PRKRIP1: variants seen among roughly 807,000 people sequenced by gnomAD.
The protein encoded by PRKRIP1 is PRKR interacting protein 1, also known as PRKR-interacting protein 1.
A neutral mutation model predicts 29.3 loss-of-function variants in PRKRIP1; 29 were observed. The observed-to-expected ratio is 0.99, with a 90% CI of 0.74 to 1.35. The LOEUF (loss-of-function observed/expected upper bound fraction) is 1.35, where lower values mean the gene tolerates loss of function less well. Ranked by LOEUF, PRKRIP1 falls within the 40% of genes most tolerant of loss-of-function variation. The probability of loss-of-function intolerance (pLI) is 0.00; values close to 1 mark genes in which losing one functional copy is unlikely to be tolerated. For missense variants in PRKRIP1, 247 were observed against 236.8 expected, an observed-to-expected ratio of 1.04 and a Z score of -0.28; for synonymous variants, 90 against 85.1, an observed-to-expected ratio of 1.06 and a Z score of -0.32.
chr7:102,415,072 A>G (rs1483663801), intron 5 of PRKRIP1, among the ~76,000 whole-genome samples: 3 of 151,712 alleles, frequency 2.0e-5, no homozygotes, highest in Non-Finnish European at 2.9e-5. Flanking sequence ...TCAACATTTT[A>G]CTCTTCCTCC....
chr7:102,419,409 G>A (rs868945184), intron 5 of PRKRIP1, among the ~76,000 whole-genome samples: 5 of 151,660 alleles, frequency 3.3e-5, no homozygotes, highest in African/African-American at 1.2e-4. Flanking sequence ...ATGAGACTCC[G>A]TCTAAAAAAA....
intron 5 of PRKRIP1, among the ~76,000 whole-genome samples, chr7:102,411,800 T>C (rs1466863906): frequency 3.0e-5 from 1 of 33,842 alleles, no homozygotes; most frequent in Non-Finnish European, 6.7e-5. Context: ...CCAACACTTA[T>C]TTTCTGTTTT....
chr7:102,402,174 A>G (rs1303527450), intron 3 of PRKRIP1, among the ~76,000 whole-genome samples: 2 of 152,118 alleles, frequency 1.3e-5, no homozygotes, highest in African/African-American at 4.8e-5. Flanking sequence ...TGGGTGCGGC[A>G]GCTCACATCA....
At chr7:102,411,382 T>TTTTG (rs1360425549) in intron 5 of PRKRIP1, among the ~76,000 whole-genome samples, 62 of 151,846 alleles carry the variant, frequency 4.1e-4, no homozygotes, top group Non-Finnish European at 6.0e-4. Flanking sequence ...CTTGTTTTTT[T>TTTTG]TTTGTTTGTT....
intron 4 of PRKRIP1, 97 bp downstream of exon 4, chr7:102,404,780 T>C: frequency 4.8e-6 from 4 of 840,086 alleles, no homozygotes; most frequent in Non-Finnish European, 5.8e-6. Flanking sequence ...CTGCATGACC[T>C]GTAGGGGTCA....
chr7:102,423,536 G>A (rs1377245148), intron 5 of PRKRIP1: 4 of 216,000 alleles, frequency 1.9e-5, no homozygotes, highest in Admixed American at 5.3e-5. Flanking sequence ...ACCTCTCTGG[G>A]TCTTTTATCT....
chr7:102,425,189 T>TC lies in PRKRIP1; in HGVS notation c.*83dup. 1 of 1,540,968 alleles carries TC rather than the reference T, an allele frequency of 6.5e-7. No individual in the cohort carries two copies. The highest frequency in any genetic ancestry group is 1.2e-5 in the South Asian group (1 of 84,590). Reference sequence around the variant, plus strand: ...GGAAAGGCGGCTGTTTGGCTCTTTCTCCCCCGCAAGGACCCGCTGACCCGC... The same window carrying TC: ...GGAAAGGCGGCTGTTTGGCTCTTTCTCCCCCCGCAAGGACCCGCTGACCCGC... On this transcript the variant is annotated 3_prime_UTR_variant, in exon 6 of 6. Transcript: ENST00000397912.
intron 5 of PRKRIP1, among the ~76,000 whole-genome samples, chr7:102,419,968 C>T (rs1296853596): frequency 6.6e-6 from 1 of 151,810 alleles, no homozygotes; most frequent in Admixed American, 6.6e-5. Context: ...GCAACCTCCG[C>T]CCCCTGGGTT....
rs1299497421 is a variant in PRKRIP1 at position 102,416,855 on chromosome 7, TTTTG to T, written c.458-8144_458-8141del. 9.2e-5 allele frequency among the ~76,000 whole-genome samples: 14 copies of T among 151,594 alleles called. No individual in the cohort carries two copies. The East Asian group carries it at 1.6e-3, about 17-fold the overall frequency. ...CCTCCACACCCTGCTAATTTTGGTG[TTTTG>T]TTTGTTTGTTTGTTGAGATGGAGTC... is the stretch of plus-strand genomic sequence containing the variant. On this transcript the variant is annotated intron_variant, in intron 5 of 5. Coordinates refer to ENST00000397912, the MANE Select transcript of PRKRIP1 (RefSeq NM_024653.4).
intron 5 of PRKRIP1, among the ~76,000 whole-genome samples, chr7:102,409,596 G>A (rs1224805570): frequency 6.6e-6 from 1 of 152,106 alleles, no homozygotes; most frequent in Non-Finnish European, 1.5e-5. Flanking sequence ...GCTGGGGCAG[G>A]AGGATTGCTT....
At chr7:102,415,436 A>G (rs541072755) in intron 5 of PRKRIP1, among the ~76,000 whole-genome samples, 1 of 152,198 alleles carries the variant, frequency 6.6e-6, no homozygotes, top group Non-Finnish European at 1.5e-5. Flanking sequence ...GGGTTTCGCC[A>G]TGTTGGCCAG....
chr7:102,422,923 TCCGAAAC>T (rs1796733921), intron 5 of PRKRIP1: 1 of 12,640 alleles, frequency 7.9e-5, no homozygotes, highest in African/African-American at 3.2e-4. Context: ...TCTGGAAACA[TCCGAAAC>T]ATCCGAAATC....
At chr7:102,403,832 A>G (rs2133171499) in intron 3 of PRKRIP1, among the ~76,000 whole-genome samples, 2 of 152,326 alleles carry the variant, frequency 1.3e-5, no homozygotes, top group South Asian at 4.1e-4. Flanking sequence ...TGTGCTTAGC[A>G]GCAGGTCATG....
chr7:102,405,966 A>G, intron 4 of PRKRIP1: 1 of 281,838 alleles, frequency 3.5e-6, no homozygotes, highest in South Asian at 3.7e-5. Flanking sequence ...TTCCCTGCAA[A>G]AAGTTGTCAA....
At chr7:102,415,860 C>T (rs1357489956) in intron 5 of PRKRIP1, among the ~76,000 whole-genome samples, 1 of 152,260 alleles carries the variant, frequency 6.6e-6, no homozygotes, top group Non-Finnish European at 1.5e-5. Context: ...CCCCAGTGTT[C>T]CTGGCCCTCA....
chr7:102,422,617 C>T (rs1325853063), intron 5 of PRKRIP1, among the ~76,000 whole-genome samples: 2 of 151,982 alleles, frequency 1.3e-5, no homozygotes, highest in Non-Finnish European at 2.9e-5. Flanking sequence ...GCTACGATTA[C>T]AGGCGTGAGC....
At chr7:102,407,575 A>G (rs562560007) in intron 5 of PRKRIP1, 77 bp downstream of exon 5, 4 of 1,087,132 alleles carry the variant, frequency 3.7e-6, no homozygotes, top group African/African-American at 3.1e-5. Context: ...CAGGAAACAC[A>G]GGGACGGAGA....
At chr7:102,398,206 T>C (rs1554570691) in intron 2 of PRKRIP1, among the ~76,000 whole-genome samples, 1 of 152,212 alleles carries the variant, frequency 6.6e-6, no homozygotes, top group Non-Finnish European at 1.5e-5. Flanking sequence ...TAAATTTAGC[T>C]TAAGGGCTAT....
Position 102,419,138 on chromosome 7 carries a change from G to T in PRKRIP1, c.458-5876G>T, listed in dbSNP as rs113665816. ...TTTAAAATTAGCATAATTCAGCCAG[G>T]CACAGTGGCTCACGCCTGTAATCCC... On this transcript the variant is annotated intron_variant, in intron 5 of 5. Coordinates refer to ENST00000397912, the MANE Select transcript of PRKRIP1 (RefSeq NM_024653.4). Among the ~76,000 whole-genome samples the T allele has an allele frequency of 2.1e-3, 314 of 152,260 alleles. 1 individual carries two copies. Among genetic ancestry groups the T allele is most frequent in the African/African-American group, 7.1e-3 (297 of 41,558 alleles).
Sources: gnomAD v4.1 joint callset for allele counts (sites outside exome capture counted in the v4.1 genomes callset) on GRCh38, gnomAD v4.1.1 for gene constraint, MANE v1.5 for transcripts, NCBI Gene and HGNC (gene_info 2026-07-23, HGNC 2026-07-21) for gene names.